Variants in TNR observed in about 807,000 individuals in gnomAD.
TNR encodes the protein tenascin-R.
In TNR, 45 loss-of-function variants were observed where a neutral mutation model predicts 150.4. The ratio of observed to expected loss-of-function variants is 0.30; its 90% confidence interval spans 0.24 to 0.38. The LOEUF is 0.38. Among genes scored for constraint, TNR ranks in the 10% least tolerant of loss-of-function variants. The pLI is 1.00. For synonymous variants in TNR, 687 were observed against 678.4 expected (o/e 1.01, Z -0.20); for missense variants, 1,544 against 1,759.1 (o/e 0.88, Z 2.19).
intron 1 of TNR, among the ~76,000 whole-genome samples, chr1:175,582,958 T>C (rs1571637356): frequency 6.6e-6 from 1 of 152,084 alleles, no homozygotes; most frequent in Non-Finnish European, 1.5e-5. Context: ...TACAATATGA[T>C]GGCATGCAAA....
chr1:175,551,910 G>A (rs1409185958), intron 1 of TNR, among the ~76,000 whole-genome samples: 2 of 152,106 alleles, frequency 1.3e-5, no homozygotes, highest in Non-Finnish European at 2.9e-5. Context: ...TGGAGGGAGG[G>A]TTGTAAGGGT....
intron 2 of TNR, among the ~76,000 whole-genome samples, chr1:175,516,698 T>A (rs777505138): frequency 1.3e-5 from 2 of 152,182 alleles, no homozygotes; most frequent in Non-Finnish European, 2.9e-5. Context: ...TATGCTAGGA[T>A]CTTTCAGTTA....
At position 175,391,446 on chromosome 1, in the gene TNR, G is replaced by A; in HGVS notation, c.1357-8C>T. 1 of 1,612,530 alleles carries A rather than the reference G, an allele frequency of 6.2e-7. No individual in the cohort carries two copies. Among genetic ancestry groups the A allele is most frequent in the Non-Finnish European group, 8.5e-7 (1 of 1,179,416 alleles). On this transcript the variant is annotated splice_region_variant and splice_polypyrimidine_tract_variant and intron_variant, in intron 6 of 22. Coordinates refer to ENST00000367674, the MANE Select transcript of TNR (RefSeq NM_003285.3). ...CACTCCCCCTTCATTGTTCTGGACA[G>A]TGGGGAGAAGCAGAGAGCAAAAGAG... is the stretch of plus-strand genomic sequence containing the variant.
At chr1:175,362,928 G>A (rs1320795078) in intron 13 of TNR, 119 bp from the exon 14 acceptor site, 1 of 1,210,476 alleles carries the variant, frequency 8.3e-7, no homozygotes, top group Non-Finnish European at 1.2e-6. Context: ...AGTGGGGAGG[G>A]ATGATACATG....
intron 2 of TNR, among the ~76,000 whole-genome samples, chr1:175,471,690 G>A (rs532956142): frequency 6.6e-6 from 1 of 152,212 alleles, no homozygotes; most frequent in African/African-American, 2.4e-5. Flanking sequence ...TGGAGGCCCA[G>A]GACATCACCA....
intron 1 of TNR, among the ~76,000 whole-genome samples, chr1:175,552,650 A>G (rs1452921852): frequency 2.0e-5 from 3 of 152,222 alleles, no homozygotes; most frequent in Admixed American, 6.5e-5. Context: ...CGATTTTGGA[A>G]GAAGTCATTA....
chr1:175,607,319 C>G (rs1028805301), intron 1 of TNR, among the ~76,000 whole-genome samples: 1 of 152,174 alleles, frequency 6.6e-6, no homozygotes, highest in Non-Finnish European at 1.5e-5. Context: ...TTCATAGAAG[C>G]CCAAATGGAA....
intron 1 of TNR, among the ~76,000 whole-genome samples, chr1:175,560,095 G>A (rs1165424060): frequency 6.6e-6 from 1 of 152,196 alleles, no homozygotes; most frequent in Non-Finnish European, 1.5e-5. Context: ...AACCTTAAGT[G>A]TTTTTCACAT....
At chr1:175,490,396 T>G (rs997012188) in intron 2 of TNR, among the ~76,000 whole-genome samples, 1 of 152,176 alleles carries the variant, frequency 6.6e-6, no homozygotes, top group Non-Finnish European at 1.5e-5. Context: ...ACTAAAGAGC[T>G]TCTGCACAAC....
At chr1:175,615,845 A>C (rs1464607820) in intron 1 of TNR, among the ~76,000 whole-genome samples, 1 of 152,206 alleles carries the variant, frequency 6.6e-6, no homozygotes, top group Non-Finnish European at 1.5e-5. Context: ...TCCCACATCC[A>C]CATATATTTA....
At position 175,665,340 on chromosome 1, in the gene TNR, C is replaced by T. The variant is rs565734893; in HGVS notation, c.-165+77886G>A. On this transcript the variant is annotated intron_variant, in intron 1 of 22. Coordinates refer to ENST00000367674, the MANE Select transcript of TNR (RefSeq NM_003285.3). The stretch of plus-strand genomic sequence containing the variant: ...GGTTTTCCTCCATGTGTAAGAGATA[C>T]TGCCAGGCACAGCTCCCCGACTGGC... 3.8e-3 allele frequency among the ~76,000 whole-genome samples: 586 copies of T among 152,292 alleles called. 3 individuals are homozygous for T. The highest frequency in any genetic ancestry group is 0.013 in the African/African-American group (555 of 41,566).
intron 2 of TNR, among the ~76,000 whole-genome samples, chr1:175,438,363 T>C (rs1655616331): frequency 6.6e-6 from 1 of 152,196 alleles, no homozygotes; most frequent in African/African-American, 2.4e-5. Context: ...AAATTAGGTA[T>C]TGATGGGACG....
In TNR at chr1:175,379,723, TG is replaced by T; in HGVS notation, c.1791del (p.Lys598ArgfsTer56). On this transcript the variant is annotated frameshift_variant, in exon 9 of 23. Transcript: ENST00000367674. LOFTEE classifies it high-confidence loss of function. ...GTGCGAGAACCAACTCGCAAGTTCT[TG>T]GGGGCATCGATCTCTAAAAATAGAC... is the stretch of plus-strand genomic sequence containing the variant. The part of the protein sequence containing the change: ...TTQFTTEIDA[P>X]KNLRVGSRTA... 1 of 1,614,140 alleles carries T rather than the reference TG, an allele frequency of 6.2e-7. No homozygotes were observed. The highest frequency in any genetic ancestry group is 8.5e-7 in the Non-Finnish European group (1 of 1,179,980).
intron 2 of TNR, among the ~76,000 whole-genome samples, chr1:175,495,220 C>G (rs1299218137): frequency 6.6e-6 from 1 of 152,162 alleles, no homozygotes; most frequent in Non-Finnish European, 1.5e-5. Context: ...ACATCATGCA[C>G]AGGGCTAATT....
At chr1:175,562,952 C>T (rs528225403) in intron 1 of TNR, among the ~76,000 whole-genome samples, 3 of 152,160 alleles carry the variant, frequency 2.0e-5, no homozygotes, top group Non-Finnish European at 4.4e-5. Context: ...CCAAGTTCCA[C>T]GAAGAGATCG....
At chr1:175,525,972 C>G (rs1051537315) in intron 2 of TNR, among the ~76,000 whole-genome samples, 1 of 151,502 alleles carries the variant, frequency 6.6e-6, no homozygotes, top group African/African-American at 2.4e-5. Context: ...AATATATTTA[C>G]CTAAACATTG....
chr1:175,620,649 G>T (rs560570822), intron 1 of TNR, among the ~76,000 whole-genome samples: 57 of 152,318 alleles, frequency 3.7e-4, no homozygotes, highest in African/African-American at 1.4e-3. Flanking sequence ...TGGCGAGTAG[G>T]TGGTTCAAAG....
intron 2 of TNR, among the ~76,000 whole-genome samples, chr1:175,517,981 G>T (rs904537150): frequency 3.3e-5 from 5 of 152,206 alleles, no homozygotes; most frequent in African/African-American, 1.2e-4. Context: ...GCACAAGAAA[G>T]AACTGCAGAG....
intron 18 of TNR, among the ~76,000 whole-genome samples, chr1:175,347,737 T>C (rs549203104): frequency 1.3e-5 from 2 of 152,092 alleles, no homozygotes; most frequent in African/African-American, 4.8e-5. Context: ...GTTTTTTTTT[T>C]AATTTAAATT....
Sources: allele counts gnomAD v4.1 joint callset (sites outside exome capture counted in the v4.1 genomes callset), GRCh38; gene constraint gnomAD v4.1.1; transcripts MANE v1.5; gene names NCBI Gene and HGNC (gene_info 2026-07-23, HGNC 2026-07-21).